PPAN: variants seen among roughly 807,000 people sequenced by gnomAD.
The protein encoded by PPAN is peter pan homolog.
Under a neutral mutation model 48.5 loss-of-function variants are expected in PPAN, and 39 were observed. That is an observed-to-expected ratio of 0.80 (90% CI 0.62 to 1.05). The LOEUF (loss-of-function observed/expected upper bound fraction) is 1.05. Among genes scored for constraint, PPAN ranks in the 50% least tolerant of loss-of-function variants. The pLI is 0.00. For synonymous variants in PPAN, 315 were observed against 268.6 expected, an observed-to-expected ratio of 1.17 and a Z score of -1.69; for missense variants, 736 against 661.7, an observed-to-expected ratio of 1.11 and a Z score of -1.23.
At chr19:10,107,142 G>A (rs769273629) in intron 2 of PPAN, 14 of 397,188 alleles carry the variant, frequency 3.5e-5, no homozygotes, top group Non-Finnish European at 6.3e-5. Context: ...AATCGGGATC[G>A]TGCCACTTCA....
chr19:10,110,803 G>A lies in PPAN; in HGVS notation c.1138G>A (p.Asp380Asn), dbSNP rs2089030674. The A allele has an allele frequency of 1.9e-6, 3 of 1,614,072 alleles. No individual in the cohort carries two copies. Among genetic ancestry groups the A allele is most frequent in the South Asian group, 1.1e-5 (1 of 91,080 alleles). Residue 380 changes from aspartate (D) to asparagine (N), a missense_variant, in exon 11 of 12, where the codon GAT becomes AAT. Coordinates refer to ENST00000253107, the MANE Select transcript of PPAN (RefSeq NM_020230.7). The surrounding 1 kb of genome is among the most constrained non-coding windows in gnomAD (Gnocchi z 5.9). Reference sequence around the variant, plus strand: ...GAGCCTGGAGTTGGGTGAGGACGATGATGAACAGGAAGATGATGACATCGA... The same window carrying A: ...GAGCCTGGAGTTGGGTGAGGACGATAATGAACAGGAAGATGATGACATCGA... ...TASLELGEDD[D>N]EQEDDDIEYF... is the part of the protein sequence containing the mutation.
rs756723588 is a variant in PPAN, at chr19:10,111,739, G to C, written c.*574G>C. On this transcript the variant is annotated 3_prime_UTR_variant, in exon 12 of 12. Coordinates refer to ENST00000253107, the MANE Select transcript of PPAN (RefSeq NM_020230.7). Reference sequence around the variant, plus strand: ...ACGGGAGCATGGCAGCCAACGTCTCGGGTAAGGAGAAGGCATGTTGGCTGT... The same window carrying C: ...ACGGGAGCATGGCAGCCAACGTCTCCGGTAAGGAGAAGGCATGTTGGCTGT... The C allele has an allele frequency of 8.7e-6, 14 of 1,613,536 alleles. No individual in the cohort carries two copies. The Admixed American group carries it at 1.3e-4, about 15-fold the overall frequency.
chr19:10,110,307 C>A lies in PPAN; in HGVS notation c.823-17C>A. 6.2e-7 allele frequency: 1 copy of A among 1,613,638 alleles called. No homozygotes were observed. Among genetic ancestry groups the A allele is most frequent in the Non-Finnish European group, 8.5e-7 (1 of 1,179,928 alleles). ...CAGTCCCAACGGTGGGCTGACGCTT[C>A]TTCCTCGTCCCCTCAGATCGGCCCG... On this transcript the variant is annotated splice_polypyrimidine_tract_variant and intron_variant, in intron 8 of 11. Coordinates refer to ENST00000253107, the MANE Select transcript of PPAN (RefSeq NM_020230.7). The surrounding 1 kb of genome is among the most constrained non-coding windows in gnomAD (Gnocchi z 5.9).
rs1340831907 is a variant in PPAN, at chr19:10,111,193, G to A, written c.*28G>A. 6.6e-7 allele frequency: 1 copy of A among 1,526,318 alleles called. No homozygotes were observed. Among genetic ancestry groups the A allele is most frequent in the Non-Finnish European group, 8.8e-7 (1 of 1,139,376 alleles). 94.5% of individuals were successfully genotyped at this position (1,526,318 alleles called of 1,614,324 possible). On this transcript the variant is annotated 3_prime_UTR_variant, in exon 12 of 12. Coordinates refer to ENST00000253107, the MANE Select transcript of PPAN (RefSeq NM_020230.7). ...CCAAGCCGCACCGGAGCAGCGGCTG[G>A]ATTGAACGCCCCAGATTGGGGCCCG...
In PPAN at chr19:10,110,510, G is replaced by A. The variant is rs1453946824; in HGVS notation, c.927G>A (p.Gln309=). Residue 309 remains glutamine, a synonymous_variant, in exon 10 of 12, where the codon CAG becomes CAA. Coordinates refer to ENST00000253107, the MANE Select transcript of PPAN (RefSeq NM_020230.7). The surrounding 1 kb of genome is among the most constrained non-coding windows in gnomAD (Gnocchi z 5.9). ...SFVSKTEEEL[Q]AILEAKEKKL... is the part of the protein sequence containing the mutation. Reference sequence around the variant, plus strand: ...TGAGCAAGACGGAGGAGGAGCTGCAGGCCATCCTGGAAGCCAAGGAGAAGA... The same window carrying A: ...TGAGCAAGACGGAGGAGGAGCTGCAAGCCATCCTGGAAGCCAAGGAGAAGA... The A allele has an allele frequency of 6.2e-7, 1 of 1,612,536 alleles. No individual in the cohort carries two copies. Among genetic ancestry groups the A allele is most frequent in the East Asian group, 2.2e-5 (1 of 44,838 alleles).
At chr19:10,107,418 G>A in intron 2 of PPAN, 87 bp from the exon 3 acceptor site, 1 of 1,431,436 alleles carries the variant, frequency 7.0e-7, no homozygotes, top group Non-Finnish European at 9.5e-7. Context: ...ATGCAAGACA[G>A]ACCATAACAG....
chr19:10,107,646 C>A, intron 3 of PPAN, 40 bp downstream of exon 3: 2 of 1,610,454 alleles, frequency 1.2e-6, no homozygotes, highest in Non-Finnish European at 1.7e-6. Flanking sequence ...CCCAGACCCC[C>A]CCTTCCCCTA....
Position 10,107,854 on chromosome 19 carries a change from G to C in PPAN, c.342G>C (p.Lys114Asn), listed in dbSNP as rs746759626. ...GGPTLTFQVK[K>N]YSLVRDVVSS... ...CCACCTTGACCTTCCAGGTCAAGAA[G>C]GTGAGAGGGGTGGAGGTGGTACAAA... The change falls in exon 4 of 12, where the codon AAG becomes AAC. Residue 114 changes from lysine (K) to asparagine (N), a missense_variant and splice_region_variant. Transcript: ENST00000253107. The C allele has an allele frequency of 1.2e-6, 2 of 1,613,440 alleles. No individual in the cohort carries two copies. Among genetic ancestry groups the C allele is most frequent in the South Asian group, 2.2e-5 (2 of 91,056 alleles).
In PPAN at chr19:10,111,168, C is replaced by G; in HGVS notation, c.*3C>G. On this transcript the variant is annotated 3_prime_UTR_variant, in exon 12 of 12. Transcript: ENST00000253107. ...GCCCAGGGAAGAGAGTGGCCTGAGCCCAAGCCGCACCGGAGCAGCGGCTGG... is the reference window on the plus strand; with the variant it reads ...GCCCAGGGAAGAGAGTGGCCTGAGCGCAAGCCGCACCGGAGCAGCGGCTGG... 1 of 1,566,076 alleles carries G rather than the reference C, an allele frequency of 6.4e-7. No individual in the cohort carries two copies. Among genetic ancestry groups the G allele is most frequent in the Non-Finnish European group, 8.6e-7 (1 of 1,158,602 alleles).
chr19:10,109,319 A>G (rs534523515), intron 5 of PPAN, among the ~76,000 whole-genome samples: 137 of 152,148 alleles, frequency 9.0e-4, no homozygotes, highest in African/African-American at 3.3e-3. Flanking sequence ...TCCTGGGCAC[A>G]AGCAATCCTG....
In PPAN at chr19:10,106,622, G is replaced by T. The variant is rs1033073810; in HGVS notation, c.140G>T (p.Ser47Ile). The change falls in exon 2 of 12, where the codon AGC becomes ATC. Residue 47 changes from serine to isoleucine, a missense_variant. Transcript: ENST00000253107. Reference sequence around the variant, plus strand: ...ACGGGTCGCAACATCCGGCAGCTCAGCCTGGACGTGCGGCGGGTCATGGAG... The same window carrying T: ...ACGGGTCGCAACATCCGGCAGCTCATCCTGGACGTGCGGCGGGTCATGGAG... ...GCTGRNIRQL[S>I]LDVRRVMEPL... The T allele has an allele frequency of 6.5e-7, 1 of 1,549,642 alleles. No homozygotes were observed. The highest frequency in any genetic ancestry group is 8.7e-7 in the Non-Finnish European group (1 of 1,147,460).
At position 10,111,506 on chromosome 19, in the gene PPAN, G is replaced by A; in HGVS notation, c.*341G>A. 1 of 643,878 alleles carries A rather than the reference G, an allele frequency of 1.6e-6. No homozygotes were observed. The highest frequency in any genetic ancestry group is 2.7e-6 in the Non-Finnish European group (1 of 370,566). The allele number at this position is 643,878 out of a possible 1,614,324, so 39.9% of individuals were successfully genotyped here. Reference sequence around the variant, plus strand: ...CCAGTCCCACCAAAGAGCCGTGCAAGCAGACAGGTCACACTTTCAGCAGAT... The same window carrying A: ...CCAGTCCCACCAAAGAGCCGTGCAAACAGACAGGTCACACTTTCAGCAGAT... On this transcript the variant is annotated 3_prime_UTR_variant, in exon 12 of 12. Transcript: ENST00000253107.
intron 2 of PPAN, 42 bp from the exon 3 acceptor site, chr19:10,107,463 G>A (rs767577729): frequency 8.9e-5 from 143 of 1,598,746 alleles, no homozygotes; most frequent in Non-Finnish European, 1.2e-4. Flanking sequence ...GTCACAACAA[G>A]GGATAAGCTA....
chr19:10,110,552 G>A lies in PPAN; in HGVS notation c.969G>A (p.Ala323=), dbSNP rs561323243. The change falls in exon 10 of 12, where the codon GCG becomes GCA. Residue 323 remains alanine, a synonymous_variant. Coordinates refer to ENST00000253107, the MANE Select transcript of PPAN (RefSeq NM_020230.7). The surrounding 1 kb of genome is among the most constrained non-coding windows in gnomAD (Gnocchi z 5.9). Reference sequence around the variant, plus strand: ...AGGAGAAGAAGCTGCGGCTGAAGGCGCAGAGGCAGGCCCAGCAGGCCCAGA... The same window carrying A: ...AGGAGAAGAAGCTGCGGCTGAAGGCACAGAGGCAGGCCCAGCAGGCCCAGA... ...EAKEKKLRLK[A]QRQAQQAQNV... is the part of the protein sequence containing the mutation. 231 of 1,608,332 alleles carry A rather than the reference G, an allele frequency of 1.4e-4. No individual in the cohort carries two copies. The highest frequency in any genetic ancestry group is 1.7e-4 in the Middle Eastern group (1 of 6,012).
At chr19:10,107,475 GTTTTCTTT>G in intron 2 of PPAN, 22 bp from the exon 3 acceptor site, 1 of 1,609,146 alleles carries the variant, frequency 6.2e-7, no homozygotes, top group African/African-American at 1.3e-5. Flanking sequence ...GATAAGCTAT[GTTTTCTTT>G]TTTTCTTTTT....
chr19:10,111,294 C>G lies in PPAN; in HGVS notation c.*129C>G. The G allele has an allele frequency of 8.9e-7, 1 of 1,126,426 alleles. No individual in the cohort carries two copies. Among genetic ancestry groups the G allele is most frequent in the African/African-American group, 1.6e-5 (1 of 63,668 alleles). The allele number at this position is 1,126,426 out of a possible 1,614,324, so 69.8% of individuals were successfully genotyped here. On this transcript the variant is annotated 3_prime_UTR_variant, in exon 12 of 12. Coordinates refer to ENST00000253107, the MANE Select transcript of PPAN (RefSeq NM_020230.7). ...CCACTCCAGTAAAGAACTGAATTGG[C>G]CAGGGGTCCACGTCAGCGTTTGGGA...
At chr19:10,107,677 T>C (rs769729454) in intron 3 of PPAN, 71 bp downstream of exon 3, 63 of 1,496,218 alleles carry the variant, frequency 4.2e-5, no homozygotes, top group Admixed American at 8.5e-5. Context: ...TGAACACATA[T>C]GCCTCTGAGC....
chr19:10,110,191 C>T lies in PPAN; in HGVS notation c.767C>T (p.Ala256Val). 1.2e-6 allele frequency: 2 copies of T among 1,610,884 alleles called. No homozygotes were observed. Among genetic ancestry groups the T allele is most frequent in the South Asian group, 1.1e-5 (1 of 91,070 alleles). ...GDHNITELPQAVAGRGNMRAQ... is the reference protein window; with the variant it reads ...GDHNITELPQVVAGRGNMRAQ... ...CACAACATCACAGAGCTGCCTCAGG[C>T]TGTCGCTGGCCGTGGCAACATGCGG... is the stretch of plus-strand genomic sequence containing the variant. The change falls in exon 8 of 12, where the codon GCT (alanine) becomes GTT (valine). Residue 256 changes from alanine to valine, a missense_variant. Coordinates refer to ENST00000253107, the MANE Select transcript of PPAN (RefSeq NM_020230.7). This position sits in a 1 kb window ranked among gnomAD's most constrained non-coding sequence, Gnocchi z 5.9.
chr19:10,110,651 G>C lies in PPAN; in HGVS notation c.1031+37G>C, dbSNP rs377120156. The C allele has an allele frequency of 3.1e-6, 5 of 1,611,116 alleles. No homozygotes were observed. In the African/African-American group the frequency reaches 4.0e-5, roughly 13 times the overall value. On this transcript the variant is annotated intron_variant, in intron 10 of 11. Coordinates refer to ENST00000253107, the MANE Select transcript of PPAN (RefSeq NM_020230.7). This position sits in a 1 kb window ranked among gnomAD's most constrained non-coding sequence, Gnocchi z 5.9. ...GCTGGGAAGGGCAGGGCCAAGGGGG[G>C]GTCCCTGGGATGGGCGGCTATGTTG...
Sources: gnomAD v4.1 joint callset for allele counts (sites outside exome capture counted in the v4.1 genomes callset) on GRCh38, gnomAD v4.1.1 for gene constraint, Gnocchi (gnomAD v3.1) non-coding constraint, MANE v1.5 for transcripts, NCBI Gene and HGNC (gene_info 2026-07-23, HGNC 2026-07-21) for gene names.